TRIP11: variants seen among roughly 807,000 people sequenced by gnomAD.
TRIP11 encodes the protein thyroid receptor-interacting protein 11.
In TRIP11, 148 loss-of-function variants were observed where a neutral mutation model predicts 223.1. The ratio of observed to expected loss-of-function variants is 0.66; its 90% CI spans 0.58 to 0.76. The LOEUF (loss-of-function observed/expected upper bound fraction) is 0.76. Ranked by LOEUF, TRIP11 falls within the 30% of genes least tolerant of loss-of-function variation. The pLI is 0.00. For missense variants in TRIP11, 2,043 were observed against 2,222.0 expected (o/e 0.92, Z 1.62); for synonymous variants, 762 against 772.6 (o/e 0.99, Z 0.23).
chr14:92,001,377 T>G (rs374854110), intron 11 of TRIP11, among the ~76,000 whole-genome samples: 5,278 of 72,274 alleles, frequency 0.073, 291 homozygotes, highest in African/African-American at 0.19. Flanking sequence ...AGTTTTTCAG[T>G]TTTTTTTTTT....
At chr14:92,030,968 A>G (rs2057257585) in intron 2 of TRIP11, among the ~76,000 whole-genome samples, 1 of 136,996 alleles carries the variant, frequency 7.3e-6, no homozygotes, top group Non-Finnish European at 1.6e-5. Flanking sequence ...ATCAAGAACC[A>G]GGCTGGGCAT....
chr14:91,984,465 G>T (rs574727210), intron 16 of TRIP11, among the ~76,000 whole-genome samples: 1 of 151,786 alleles, frequency 6.6e-6, no homozygotes, highest in African/African-American at 2.4e-5. Flanking sequence ...ACAGGCATGA[G>T]CCACCATGCC....
chr14:91,985,398 C>T (rs1378352233), intron 16 of TRIP11, among the ~76,000 whole-genome samples: 1 of 139,302 alleles, frequency 7.2e-6, no homozygotes, highest in East Asian at 2.1e-4. Flanking sequence ...AATTCATAAG[C>T]ACAGATGCAC....
intron 3 of TRIP11, among the ~76,000 whole-genome samples, chr14:92,024,285 T>C (rs925292585): frequency 9.9e-5 from 15 of 151,780 alleles, no homozygotes; most frequent in African/African-American, 3.6e-4. Flanking sequence ...GGCACGAGAA[T>C]TGCTTGAACC....
intron 12 of TRIP11, 70 bp downstream of exon 12, chr14:91,999,898 C>T (rs2056799854): frequency 6.3e-7 from 1 of 1,590,202 alleles, no homozygotes; most frequent in African/African-American, 1.3e-5. Flanking sequence ...TCACTGATCA[C>T]CTTTCCAGTT....
At chr14:92,024,899 A>C (rs1200863869) in intron 3 of TRIP11, among the ~76,000 whole-genome samples, 1 of 152,206 alleles carries the variant, frequency 6.6e-6, no homozygotes, top group Non-Finnish European at 1.5e-5. Context: ...CAAACTAAAA[A>C]ACCCAAAAAC....
At chr14:92,029,337 C>T (rs1183390973) in intron 2 of TRIP11, among the ~76,000 whole-genome samples, 4 of 125,904 alleles carry the variant, frequency 3.2e-5, no homozygotes, top group Non-Finnish European at 6.3e-5. Context: ...ACTCTGTCAC[C>T]CAGGCTGGAG....
chr14:92,020,174 C>T (rs920588449), intron 4 of TRIP11, among the ~76,000 whole-genome samples: 1 of 151,928 alleles, frequency 6.6e-6, no homozygotes, highest in Non-Finnish European at 1.5e-5. Context: ...ATTGCTTGAA[C>T]CCGGGTGGCA....
At position 91,969,763 on chromosome 14, in the gene TRIP11, G is replaced by A. The variant is rs2140077074; in HGVS notation, c.5850C>T (p.Pro1950=). 3 of 1,614,070 alleles carry A rather than the reference G, an allele frequency of 1.9e-6. No homozygotes were observed. The East Asian group carries it at 6.7e-5, about 36-fold the overall frequency. The change falls in exon 21 of 21, where the codon CCC becomes CCT. Residue 1950 remains proline, a synonymous_variant. Transcript: ENST00000267622. The stretch of plus-strand genomic sequence containing the variant: ...TAAATGTGGGCAAAACATCTGAGAT[G>A]GGTTTCAGAAGAAGATGCCCGGGCC... ...PGGPGHLLLK[P]ISDVLPTFTP... is the part of the protein sequence containing the mutation.
In TRIP11 at chr14:91,980,471, C is replaced by T. The variant is rs575925250; in HGVS notation, c.5261-4282G>A. 3.9e-5 allele frequency among the ~76,000 whole-genome samples: 6 copies of T among 152,218 alleles called. No individual in the cohort carries two copies. The South Asian group carries it at 1.2e-3, about 32-fold the overall frequency. On this transcript the variant is annotated intron_variant, in intron 16 of 20. Coordinates refer to ENST00000267622, the MANE Select transcript of TRIP11 (RefSeq NM_004239.4). Reference sequence around the variant, plus strand: ...CTATCACCAGGGCCAGACTTTGTTGCCTATTTTGTAAAATGAACATGCTTA... The same window carrying T: ...CTATCACCAGGGCCAGACTTTGTTGTCTATTTTGTAAAATGAACATGCTTA...
Position 91,992,702 on chromosome 14 carries a change from G to A in TRIP11, c.5160+1107C>T, listed in dbSNP as rs184390841. ...AGGCGGGCGGATCACGAGGTCAGGA[G>A]ATCGAGACTATCCTGGCTAACATGG... On this transcript the variant is annotated intron_variant, in intron 15 of 20. Coordinates refer to ENST00000267622, the MANE Select transcript of TRIP11 (RefSeq NM_004239.4). Among the ~76,000 whole-genome samples, 351 of 152,024 alleles carry A rather than the reference G, an allele frequency of 2.3e-3. 3 individuals carry two copies. Among genetic ancestry groups the A allele is most frequent in the East Asian group, 0.016 (81 of 5,162 alleles).
Position 91,992,160 on chromosome 14 carries a change from C to T in TRIP11, c.5160+1649G>A, listed in dbSNP as rs1449192345. On this transcript the variant is annotated intron_variant, in intron 15 of 20. Transcript: ENST00000267622. The stretch of plus-strand genomic sequence containing the variant: ...ATAGTTCAAATTCCATTTACATAGA[C>T]TTCAAAAATATGCAAAACCAAACAA... 3.5e-5 allele frequency among the ~76,000 whole-genome samples: 5 copies of T among 143,696 alleles called. No homozygotes were observed. In the East Asian group the frequency reaches 1.0e-3, roughly 30 times the overall value. The allele number at this position is 143,696 out of a possible 152,430, so 94.3% of individuals were successfully genotyped here. A position where few individuals can be genotyped will look rare whatever the true frequency, so the allele number is the denominator to read the frequency against.
At chr14:92,028,347 C>A (rs1163536529) in intron 2 of TRIP11, among the ~76,000 whole-genome samples, 1 of 151,964 alleles carries the variant, frequency 6.6e-6, no homozygotes, top group Non-Finnish European at 1.5e-5. Context: ...ATCACTTGAG[C>A]CCAGGAGTTC....
intron 11 of TRIP11, among the ~76,000 whole-genome samples, chr14:92,001,177 C>G (rs2056821239): frequency 6.6e-6 from 1 of 151,008 alleles, no homozygotes; most frequent in Non-Finnish European, 1.5e-5. Context: ...CGTTTCTTTT[C>G]TCCATTTTAA....
At position 92,014,272 on chromosome 14, in the gene TRIP11, T is replaced by C. The variant is rs1595396083; in HGVS notation, c.1129A>G (p.Ile377Val). Residue 377 changes from isoleucine (I) to valine (V), a missense_variant, in exon 7 of 21, where the codon ATT becomes GTT. Transcript: ENST00000267622. Reference sequence around the variant, plus strand: ...TCCACTGATGCACTCTGGGCAAGAATTCTTTCCTTTTCTGTCATAGTATCA... The same window carrying C: ...TCCACTGATGCACTCTGGGCAAGAACTCTTTCCTTTTCTGTCATAGTATCA... ...QSDTMTEKER[I>V]LAQSASVEEV... 1 of 1,614,072 alleles carries C rather than the reference T, an allele frequency of 6.2e-7. No homozygotes were observed. Among genetic ancestry groups the C allele is most frequent in the East Asian group, 2.2e-5 (1 of 44,848 alleles).
chr14:92,015,513 G>C (rs760619644), intron 6 of TRIP11, among the ~76,000 whole-genome samples, 183 bp downstream of exon 6: 5 of 151,834 alleles, frequency 3.3e-5, no homozygotes, highest in Non-Finnish European at 5.9e-5. Context: ...ACAAAAATTA[G>C]CTGGGCATGG....
chr14:91,994,526 G>A (rs939876758), intron 14 of TRIP11, among the ~76,000 whole-genome samples: 16 of 152,290 alleles, frequency 1.1e-4, no homozygotes, highest in Admixed American at 9.2e-4. Context: ...TTACAGGCAT[G>A]AGCCACCGTG....
Position 92,019,969 on chromosome 14 carries a change from A to G in TRIP11, c.588+1587T>C, listed in dbSNP as rs144156616. ...AAGATATCTCATTATGTTTATGAAA[A>G]TATTCCAAAATCTGGCCGGATGAAG... On this transcript the variant is annotated intron_variant, in intron 4 of 20. Transcript: ENST00000267622. Among the ~76,000 whole-genome samples, 388 of 152,312 alleles carry G rather than the reference A, an allele frequency of 2.5e-3. 4 individuals carry two copies. The highest frequency in any genetic ancestry group is 0.013 in the East Asian group (65 of 5,188).
At chr14:92,028,684 G>C (rs1268686917) in intron 2 of TRIP11, among the ~76,000 whole-genome samples, 1 of 152,160 alleles carries the variant, frequency 6.6e-6, no homozygotes, top group Non-Finnish European at 1.5e-5. Flanking sequence ...GAGGGGGCTG[G>C]TCTGAAAGGA....
Sources: gnomAD v4.1 joint callset for allele counts (sites outside exome capture counted in the v4.1 genomes callset) on GRCh38, gnomAD v4.1.1 for gene constraint, MANE v1.5 for transcripts, NCBI Gene and HGNC (gene_info 2026-07-23, HGNC 2026-07-21) for gene names.